The following C4BPA variants were observed in gnomAD, a reference collection of about 807,000 sequenced individuals.
C4BPA encodes the protein C4b-binding protein alpha chain.
Under a neutral mutation model 63.7 loss-of-function variants are expected in C4BPA, and 31 were observed. The observed-to-expected ratio is 0.49, with a 90% CI of 0.37 to 0.66. C4BPA has a LOEUF of 0.66. C4BPA is among the 30% of genes least tolerant of loss of function. The pLI is 0.00. For missense variants in C4BPA, 572 were observed against 723.3 expected, an observed-to-expected ratio of 0.79 and a Z score of 2.40; for synonymous variants, 259 against 254.7, an observed-to-expected ratio of 1.02 and a Z score of -0.16.
Position 207,134,503 on chromosome 1 carries a change from T to A in C4BPA, c.1184T>A (p.Ile395Asn). The change falls in exon 9 of 12, where the codon ATT becomes AAT. Residue 395 changes from isoleucine (I) to asparagine (N), a missense_variant. By Grantham distance (149) the Ile-to-Asn change is moderately radical. Around this residue, in one of 2 missense-constraint regions of C4BPA, gnomAD observed 465 missense variants for 629.4 expected, o/e 0.74. Transcript: ENST00000367070. Reference sequence around the variant, plus strand: ...TGTGTTTATTTCTATGGAGATGAGATTTCATTTTCATGTCATGAGACCAGT... The same window carrying A: ...TGTGTTTATTTCTATGGAGATGAGAATTCATTTTCATGTCATGAGACCAGT... ...NHCVYFYGDE[I>N]SFSCHETSRF... The A allele has an allele frequency of 6.2e-7, 1 of 1,613,720 alleles. No homozygotes were observed. Among genetic ancestry groups the A allele is most frequent in the Non-Finnish European group, 8.5e-7 (1 of 1,179,644 alleles).
At chr1:207,135,031 C>A (rs1003282059) in intron 9 of C4BPA, among the ~76,000 whole-genome samples, 2 of 152,154 alleles carry the variant, frequency 1.3e-5, no homozygotes, top group Admixed American at 1.3e-4. Flanking sequence ...ATGCCTCCTT[C>A]TGCTTCTCCA....
intron 8 of C4BPA, among the ~76,000 whole-genome samples, chr1:207,134,044 C>T (rs1258021464): frequency 6.6e-6 from 1 of 152,028 alleles, no homozygotes; most frequent in Non-Finnish European, 1.5e-5. Flanking sequence ...GACAAGATCG[C>T]ACTCTGTTGC....
intron 1 of C4BPA, among the ~76,000 whole-genome samples, chr1:207,112,450 C>T (rs1278089264): frequency 1.3e-5 from 2 of 151,640 alleles, no homozygotes; most frequent in Non-Finnish European, 2.9e-5. Flanking sequence ...ACTCAACCTC[C>T]CTGTTTCTTT....
At chr1:207,114,485 CTTTTTTTTTTTT>C (rs34895847) in intron 3 of C4BPA, among the ~76,000 whole-genome samples, 200 bp downstream of exon 3, 1 of 59,538 alleles carries the variant, frequency 1.7e-5, no homozygotes, top group East Asian at 4.9e-4. Context: ...TAACTCTGTT[CTTTTTTTTTTTT>C]TTTTTTTTTT....
intron 10 of C4BPA, among the ~76,000 whole-genome samples, chr1:207,141,924 A>AT (rs997250196): frequency 1.3e-5 from 2 of 151,670 alleles, no homozygotes; most frequent in African/African-American, 4.8e-5. Flanking sequence ...CAAGAAGGAA[A>AT]TTTTTTTTAT....
intron 4 of C4BPA, among the ~76,000 whole-genome samples, chr1:207,115,821 T>C (rs1409170961): frequency 1.3e-5 from 2 of 152,212 alleles, no homozygotes; most frequent in Non-Finnish European, 2.9e-5. Flanking sequence ...TACTTATCAA[T>C]GTATACTGGA....
Position 207,143,939 on chromosome 1 carries a change from T to C in C4BPA, c.1566T>C (p.Ser522=), listed in dbSNP as rs1685476459. 1 of 1,609,854 alleles carries C rather than the reference T, an allele frequency of 6.2e-7. No individual in the cohort carries two copies. Among genetic ancestry groups the C allele is most frequent in the Admixed American group, 1.7e-5 (1 of 59,398 alleles). Residue 522 remains serine, a synonymous_variant, in exon 11 of 12, where the codon AGT becomes AGC. Transcript: ENST00000367070. ...GCTATGGTGTGGTTGGTCCCCAAAG[T>C]ATCACTTGCTCTGGGAACAGAACCT... ...DSGYGVVGPQ[S]ITCSGNRTWY...
At chr1:207,106,659 T>A (rs989019700) in intron 1 of C4BPA, among the ~76,000 whole-genome samples, 16 of 152,294 alleles carry the variant, frequency 1.1e-4, no homozygotes, top group African/African-American at 3.8e-4. Context: ...GCCAGGATGG[T>A]CTCGACTTCC....
chr1:207,107,837 G>A (rs1684590151), intron 1 of C4BPA, among the ~76,000 whole-genome samples: 1 of 152,202 alleles, frequency 6.6e-6, no homozygotes, highest in African/African-American at 2.4e-5. Context: ...GAAGTGGAGT[G>A]TTGGAGAGAG....
intron 4 of C4BPA, among the ~76,000 whole-genome samples, chr1:207,122,623 G>C (rs1646886745): frequency 6.6e-6 from 1 of 152,056 alleles, no homozygotes; most frequent in African/African-American, 2.4e-5. Flanking sequence ...GCCCAGGCTG[G>C]AGTGCAGTGG....
chr1:207,136,504 C>G (rs1242160300), intron 9 of C4BPA, among the ~76,000 whole-genome samples: 1 of 152,188 alleles, frequency 6.6e-6, no homozygotes, highest in Non-Finnish European at 1.5e-5. Flanking sequence ...CTTGACCAGA[C>G]AAGCCATTCA....
At chr1:207,133,612 A>C (rs1558095472) in intron 8 of C4BPA, among the ~76,000 whole-genome samples, 1 of 152,110 alleles carries the variant, frequency 6.6e-6, no homozygotes, top group Non-Finnish European at 1.5e-5. Flanking sequence ...AAAAATTAAA[A>C]ACTTAGTGGG....
At chr1:207,141,058 T>C (rs1685403141) in intron 9 of C4BPA, 48 bp from the exon 10 acceptor site, 5 of 1,463,892 alleles carry the variant, frequency 3.4e-6, no homozygotes, top group Non-Finnish European at 4.7e-6. Flanking sequence ...TGCTACTTTA[T>C]ACACTTTACA....
At position 207,126,895 on chromosome 1, in the gene C4BPA, A is replaced by T. The variant is rs1045706209; in HGVS notation, c.889A>T (p.Asn297Tyr). Reference sequence around the variant, plus strand: ...TCCTTCTCCTCCTGCTTGTGAGCCCAGTAAGTATGGACTGTGACAGAATTT... The same window carrying T: ...TCCTTCTCCTCCTGCTTGTGAGCCCTGTAAGTATGGACTGTGACAGAATTT... ...WNPSPPACEP[N>Y]SCINLPDIPH... is the part of the protein sequence containing the mutation. The change falls in exon 7 of 12, where the codon AAT (asparagine) becomes TAT (tyrosine). Residue 297 changes from asparagine to tyrosine, a missense_variant and splice_region_variant. By Grantham distance (143) the Asn-to-Tyr change is moderately radical. Around this residue, in one of 2 missense-constraint regions of C4BPA, gnomAD observed 465 missense variants for 629.4 expected, o/e 0.74. Coordinates refer to ENST00000367070, the MANE Select transcript of C4BPA (RefSeq NM_000715.4). The T allele has an allele frequency of 3.7e-6, 6 of 1,611,234 alleles. No individual in the cohort carries two copies. In the African/African-American group the frequency reaches 6.7e-5, roughly 18 times the overall value.
Position 207,144,575 on chromosome 1 carries a change from C to T in C4BPA, c.1652C>T (p.Thr551Ile). The T allele has an allele frequency of 6.2e-7, 1 of 1,612,368 alleles. No individual in the cohort carries two copies. The stretch of plus-strand genomic sequence containing the variant: ...CCCGAAGGCTGTGAACAAGTGCTCA[C>T]AGGCAAAAGACTCATGCAGTGTCTC... ...ETPEGCEQVL[T>I]GKRLMQCLPN... The change falls in exon 12 of 12, where the codon ACA becomes ATA. Residue 551 changes from threonine (T) to isoleucine (I), a missense_variant. By Grantham distance (89) the Thr-to-Ile change is moderately conservative. Around this residue, in one of 2 missense-constraint regions of C4BPA, gnomAD observed 465 missense variants for 629.4 expected, o/e 0.74. Transcript: ENST00000367070.
At chr1:207,112,779 C>A (rs975702305) in intron 1 of C4BPA, 2 of 453,202 alleles carry the variant, frequency 4.4e-6, no homozygotes, top group Non-Finnish European at 7.7e-6. Context: ...AAGCCCACTC[C>A]CTCCCTCCAC....
At chr1:207,132,378 C>A (rs965296344) in intron 8 of C4BPA, among the ~76,000 whole-genome samples, 3 of 152,132 alleles carry the variant, frequency 2.0e-5, no homozygotes, top group Admixed American at 1.3e-4. Context: ...GTGGAACAGA[C>A]AAGAGAGGAA....
chr1:207,117,375 T>A (rs1266605285), intron 4 of C4BPA, among the ~76,000 whole-genome samples: 2 of 152,152 alleles, frequency 1.3e-5, no homozygotes, highest in Non-Finnish European at 2.9e-5. Flanking sequence ...CACTTGAGCC[T>A]GGGAGGTCGA....
chr1:207,123,889 A>G, intron 4 of C4BPA, 33 bp from the exon 5 acceptor site: 1 of 1,257,858 alleles, frequency 8.0e-7, no homozygotes, highest in Middle Eastern at 1.9e-4. Context: ...GGTAGGAGGA[A>G]TTCCATTAAA....
Sources: gnomAD v4.1 joint callset for allele counts (sites outside exome capture counted in the v4.1 genomes callset) on GRCh38, gnomAD v4.1.1 for gene constraint, gnomAD v4.1.1 regional missense constraint, MANE v1.5 for transcripts, NCBI Gene and HGNC (gene_info 2026-07-23, HGNC 2026-07-21) for gene names.